The following AIFM1 variants were observed in gnomAD, a reference collection of about 807,000 sequenced individuals.
The protein encoded by AIFM1 is apoptosis inducing factor mitochondria associated 1.
AIFM1 carries 3 observed loss-of-function variants against 51.7 expected under a neutral mutation model. The observed-to-expected ratio is 0.06, with a 90% CI of 0.03 to 0.15. The LOEUF (loss-of-function observed/expected upper bound fraction) is 0.15, where lower values mean the gene tolerates loss of function less well. Among genes scored for constraint, AIFM1 ranks in the 10% least tolerant of loss-of-function variants. The pLI, the probability that AIFM1 is intolerant of heterozygous loss-of-function variation, is 1.00. For synonymous variants in AIFM1, 178 were observed against 179.4 expected, an observed-to-expected ratio of 0.99 and a Z score of 0.06; for missense variants, 330 against 476.8, an observed-to-expected ratio of 0.69 and a Z score of 2.87.
At position 130,151,119 on chromosome X, in the gene AIFM1, G is replaced by A. The variant is rs187249111; in HGVS notation, c.250-1551C>T. ...TTGTAGGAGAAAGTAAAGACAATCA[G>A]AGGAACTATCATAAAACATATTCTT... On this transcript the variant is annotated intron_variant, in intron 2 of 15. Coordinates refer to ENST00000287295, the MANE Select transcript of AIFM1 (RefSeq NM_004208.4). Among the ~76,000 whole-genome samples, 485 of 109,280 alleles carry A rather than the reference G, an allele frequency of 4.4e-3. 3 individuals are homozygous for A. The highest frequency in any genetic ancestry group is 0.015 in the African/African-American group (461 of 30,030). The allele number at this position is 109,280 out of a possible 115,157, so 94.9% of individuals were successfully genotyped here.
chrX:130,147,413 A>G (rs1195553110), intron 5 of AIFM1, 80 bp downstream of exon 5: 10 of 1,161,869 alleles, frequency 8.6e-6, no homozygotes, highest in Non-Finnish European at 1.2e-5. Flanking sequence ...CTATTACTGT[A>G]CACAGTCAGT....
rs1013342731 is a variant in AIFM1 at position 130,139,978 on chromosome X, C to T, written c.782-107G>A. ...GAGCCCTCTTCACTTAGCACCATGG[C>T]GGCAACAACAGGATAGGATACCAAG... On this transcript the variant is annotated intron_variant, in intron 7 of 15. Coordinates refer to ENST00000287295, the MANE Select transcript of AIFM1 (RefSeq NM_004208.4). 9.7e-5 allele frequency: 66 copies of T among 679,842 alleles called. No homozygotes were observed. The Admixed American group carries it at 1.4e-3, about 15-fold the overall frequency. 56.0% of individuals were successfully genotyped at this position (679,842 alleles called of 1,213,427 possible). A position where few individuals can be genotyped will look rare whatever the true frequency, so the allele number is the denominator to read the frequency against.
chrX:130,155,771 C>T (rs1245219670), intron 2 of AIFM1, among the ~76,000 whole-genome samples: 1 of 111,891 alleles, frequency 8.9e-6, no homozygotes, highest in Non-Finnish European at 1.9e-5. Context: ...TTAGACTGAT[C>T]GGCTTAGTCA....
intron 12 of AIFM1, 34 bp from the exon 13 acceptor site, chrX:130,133,489 T>TTA: frequency 2.0e-6 from 2 of 980,673 alleles, no homozygotes; most frequent in Non-Finnish European, 2.8e-6. Flanking sequence ...GAACACATGA[T>TTA]AAAAAAAAAA....
At chrX:130,160,590 A>C (rs1327024813) in intron 1 of AIFM1, among the ~76,000 whole-genome samples, 2 of 111,888 alleles carry the variant, frequency 1.8e-5, no homozygotes, top group African/African-American at 6.5e-5. Flanking sequence ...TTACTATTAA[A>C]ATTTTTTTTA....
chrX:130,130,098 G>A lies in AIFM1; in HGVS notation c.1642C>T (p.Pro548Ser), dbSNP rs863223897. 4 of 1,211,852 alleles carry A rather than the reference G, an allele frequency of 3.3e-6. No individual in the cohort carries two copies. The Middle Eastern group carries it at 6.9e-4, about 209-fold the overall frequency. ...TGGACGGGAGCCTGTGGAACTGCCG[G>A]GGTGCTGGGAGGAATAGTAATTTCT... ...ASEITIPPST[P>S]AVPQAPVQGE... The change falls in exon 15 of 16, where the codon CCG becomes TCG. Residue 548 changes from proline to serine, a missense_variant. By Grantham distance (74) the Pro-to-Ser change is moderately conservative (BLOSUM62 -1). Around this residue, in one of 4 missense-constraint regions of AIFM1, gnomAD observed 56 missense variants for 48.8 expected, o/e 1.15. Transcript: ENST00000287295.
chrX:130,140,013 G>T, intron 7 of AIFM1, 142 bp from the exon 8 acceptor site: 1 of 556,955 alleles, frequency 1.8e-6, no homozygotes, highest in Admixed American at 2.6e-5. Context: ...GGCTTTGTTT[G>T]CCTTCAGCTT....
chrX:130,157,932 C>T (rs1264814504), intron 1 of AIFM1, among the ~76,000 whole-genome samples: 1 of 69,780 alleles, frequency 1.4e-5, no homozygotes, highest in East Asian at 4.4e-4. Flanking sequence ...TCCAGCCTGG[C>T]AACAGAGTGA....
chrX:130,137,658 C>T, intron 9 of AIFM1: 10 of 1,104,421 alleles, frequency 9.1e-6, no homozygotes, highest in Non-Finnish European at 1.2e-5. Context: ...TTCAAAGACA[C>T]CCATAATTCT....
intron 9 of AIFM1, 63 bp from the exon 10 acceptor site, chrX:130,137,248 G>A: frequency 8.3e-7 from 1 of 1,207,663 alleles, no homozygotes; most frequent in Non-Finnish European, 1.1e-6. Context: ...AATACAGGAA[G>A]AGAAGTAAAG....
intron 1 of AIFM1, among the ~76,000 whole-genome samples, chrX:130,162,772 C>G (rs888876441): frequency 1.1e-4 from 12 of 111,480 alleles, no homozygotes; most frequent in African/African-American, 3.9e-4. Context: ...AGTCGGTGAT[C>G]AGTTTGATAA....
rs183964888 is a variant in AIFM1 at position 130,152,712 on chromosome X, G to A, written c.250-3144C>T. Among the ~76,000 whole-genome samples, 404 of 112,039 alleles carry A rather than the reference G, an allele frequency of 3.6e-3. 3 individuals are homozygous for A. Among genetic ancestry groups the A allele is most frequent in the African/African-American group, 0.013 (386 of 30,825 alleles). ...TTGGGAATCTGCCTCAGGTCCTAGGGAAAGTTACCAGCAAAAAGAGGAAAA... is the reference window on the plus strand; with the variant it reads ...TTGGGAATCTGCCTCAGGTCCTAGGAAAAGTTACCAGCAAAAAGAGGAAAA... On this transcript the variant is annotated intron_variant, in intron 2 of 15. Transcript: ENST00000287295.
At chrX:130,144,910 T>C (rs2030701615) in intron 6 of AIFM1, among the ~76,000 whole-genome samples, 1 of 111,933 alleles carries the variant, frequency 8.9e-6, no homozygotes, top group Admixed American at 9.5e-5. Context: ...TCCTTCCACT[T>C]ATGCTGTGTA....
chrX:130,143,945 C>T (rs1011770397), intron 6 of AIFM1, among the ~76,000 whole-genome samples: 3 of 111,470 alleles, frequency 2.7e-5, no homozygotes, highest in South Asian at 3.8e-4. Context: ...CAGACAGACC[C>T]GGGCTCAAAT....
intron 12 of AIFM1, 147 bp from the exon 13 acceptor site, chrX:130,133,602 T>A: frequency 1.3e-6 from 1 of 759,926 alleles, no homozygotes; most frequent in Non-Finnish European, 1.9e-6. Context: ...GTACTTAAAC[T>A]AACAAAAACA....
rs371559475 is a variant in AIFM1, at chrX:130,149,505, T to C, written c.313A>G (p.Thr105Ala). The C allele has an allele frequency of 9.1e-6, 11 of 1,209,859 alleles. No individual in the cohort carries two copies. The African/African-American group carries it at 1.2e-4, about 13-fold the overall frequency. The change falls in exon 3 of 16, where the codon ACA becomes GCA. Residue 105 changes from threonine (T) to alanine (A), a missense_variant. Thr to Ala is a moderately conservative substitution (Grantham distance 58, BLOSUM62 0). Around this residue, in one of 4 missense-constraint regions of AIFM1, gnomAD observed 110 missense variants for 103.1 expected, o/e 1.07. Transcript: ENST00000287295. ...YNERISGLGL[T>A]PEQKQKKAAL... ...GCCTTTTTCTGTTTCTGTTCTGGTG[T>C]CAGCCCTAACCCTGAAATTCTTTCA...
intron 12 of AIFM1, 111 bp downstream of exon 12, chrX:130,135,934 A>T (rs2030315623): frequency 9.7e-7 from 1 of 1,032,052 alleles, no homozygotes; most frequent in Non-Finnish European, 1.4e-6. Context: ...GCCTCCAAAC[A>T]CTCTGACCCT....
At chrX:130,151,247 T>C (rs1281672897) in intron 2 of AIFM1, among the ~76,000 whole-genome samples, 1 of 109,307 alleles carries the variant, frequency 9.1e-6, no homozygotes, top group African/African-American at 3.3e-5. Flanking sequence ...TTCAAGCGAT[T>C]CTGCTGCCTC....
chrX:130,131,352 A>G (rs1181844398), intron 14 of AIFM1, among the ~76,000 whole-genome samples: 5 of 112,344 alleles, frequency 4.5e-5, no homozygotes, highest in African/African-American at 1.6e-4. Flanking sequence ...CGCAATCTAA[A>G]AAGTTCAGGT....
Sources: gnomAD v4.1 joint callset for allele counts (sites outside exome capture counted in the v4.1 genomes callset) on GRCh38, gnomAD v4.1.1 for gene constraint, gnomAD v4.1.1 regional missense constraint, MANE v1.5 for transcripts, NCBI Gene and HGNC (gene_info 2026-07-23, HGNC 2026-07-21) for gene names.